Variants in CMIP observed in about 807,000 individuals in gnomAD.
CMIP encodes c-Maf inducing protein.
In CMIP, 13 loss-of-function variants were observed where a neutral mutation model predicts 97.3. That is an observed-to-expected ratio of 0.13 (90% CI 0.09 to 0.21). The LOEUF is 0.21. CMIP is among the 10% of genes least tolerant of loss of function. The probability of loss-of-function intolerance (pLI) is 1.00; values close to 1 mark genes in which losing one functional copy is unlikely to be tolerated. For synonymous variants in CMIP, 538 were observed against 436.3 expected (o/e 1.23, Z -2.91); for missense variants, 847 against 1,024.9 (o/e 0.83, Z 2.37).
chr16:81,612,784 G>C (rs2091853014), intron 2 of CMIP, among the ~76,000 whole-genome samples: 1 of 151,910 alleles, frequency 6.6e-6, no homozygotes, highest in African/African-American at 2.4e-5. Context: ...GGTCTGGCTG[G>C]GGACCTCTCC....
Position 81,616,402 on chromosome 16 carries a change from T to C in CMIP, c.427-4474T>C, listed in dbSNP as rs2091918779. Among the ~76,000 whole-genome samples the C allele has an allele frequency of 6.6e-6, 1 of 152,168 alleles. No individual in the cohort carries two copies. The highest frequency in any genetic ancestry group is 1.5e-5 in the Non-Finnish European group (1 of 68,024). Reference sequence around the variant, plus strand: ...TGTGCAGAGGCACCCCACTGCCTGCTCCGAGCCTCAGCTTCCTCATCTGTA... The same window carrying C: ...TGTGCAGAGGCACCCCACTGCCTGCCCCGAGCCTCAGCTTCCTCATCTGTA... On this transcript the variant is annotated intron_variant, in intron 2 of 20. Transcript: ENST00000537098. The surrounding 1 kb of genome is among the most constrained non-coding windows in gnomAD (Gnocchi z 4.7).
chr16:81,552,887 G>A (rs1383781777), intron 1 of CMIP, among the ~76,000 whole-genome samples: 1 of 152,156 alleles, frequency 6.6e-6, no homozygotes, highest in Admixed American at 6.5e-5. Context: ...AGAGGAATGA[G>A]GGCCCTGTCC....
At chr16:81,591,797 T>C (rs973104165) in intron 1 of CMIP, among the ~76,000 whole-genome samples, 6 of 151,118 alleles carry the variant, frequency 4.0e-5, no homozygotes, top group Admixed American at 1.3e-4. Context: ...CTGCTTGTTA[T>C]GCAGTTTACT....
chr16:81,671,874 G>C (rs888389132), intron 8 of CMIP, 92 bp from the exon 9 acceptor site: 5 of 641,954 alleles, frequency 7.8e-6, no homozygotes, highest in Admixed American at 7.7e-5. Flanking sequence ...GGGCAGCCCC[G>C]TGCCTGAGCA....
chr16:81,549,160 A>T (rs1038642389), intron 1 of CMIP, among the ~76,000 whole-genome samples: 1 of 152,252 alleles, frequency 6.6e-6, no homozygotes, highest in African/African-American at 2.4e-5. Context: ...TATTCAGTCA[A>T]CAAACCAGAC....
chr16:81,577,481 T>C (rs866036733), intron 1 of CMIP, among the ~76,000 whole-genome samples: 2 of 88,270 alleles, frequency 2.3e-5, no homozygotes, highest in African/African-American at 3.1e-5. Context: ...TACCACTATA[T>C]TATTATCACT....
At position 81,693,144 on chromosome 16, in the gene CMIP, T is replaced by C. The variant is rs374714245; in HGVS notation, c.1455-14T>C. 4.5e-5 allele frequency: 73 copies of C among 1,611,110 alleles called. No individual in the cohort carries two copies. The Middle Eastern group carries it at 1.5e-3, about 33-fold the overall frequency. ...TTCTGTTAACCGCCGTGTTTTCCCC[T>C]GTTTTTGTTGCAGAGCTCTCGCACA... On this transcript the variant is annotated splice_polypyrimidine_tract_variant and intron_variant, in intron 11 of 20. Coordinates refer to ENST00000537098, the MANE Select transcript of CMIP (RefSeq NM_198390.3).
At chr16:81,662,409 G>T (rs9934507) in intron 6 of CMIP, among the ~76,000 whole-genome samples, 2 of 151,982 alleles carry the variant, frequency 1.3e-5, no homozygotes, top group Non-Finnish European at 2.9e-5. Context: ...GTAGAAAAAG[G>T]TACCCTTTTT....
chr16:81,635,715 G>C (rs950828281), intron 3 of CMIP, among the ~76,000 whole-genome samples: 1 of 152,184 alleles, frequency 6.6e-6, no homozygotes, highest in African/African-American at 2.4e-5. Context: ...GTCTGCAAAC[G>C]ATCTGGCCCA....
intron 3 of CMIP, chr16:81,651,499 A>G (rs1442284717): frequency 3.3e-5 from 14 of 418,010 alleles, no homozygotes; most frequent in Non-Finnish European, 4.5e-5. Flanking sequence ...GGAGCATTCC[A>G]GGTTTAGTCC....
At chr16:81,463,480 G>C (rs1390767169) in intron 1 of CMIP, among the ~76,000 whole-genome samples, 2 of 152,330 alleles carry the variant, frequency 1.3e-5, no homozygotes, top group South Asian at 2.1e-4. Context: ...CGGGACGGCG[G>C]TTGTGGTTTT....
chr16:81,570,259 G>C (rs1042481466), intron 1 of CMIP, among the ~76,000 whole-genome samples: 1 of 152,166 alleles, frequency 6.6e-6, no homozygotes, highest in African/African-American at 2.4e-5. Flanking sequence ...TCCTCTGGGG[G>C]TCGTGGACCT....
intron 1 of CMIP, among the ~76,000 whole-genome samples, chr16:81,544,034 C>G (rs562535112): frequency 1.3e-5 from 2 of 152,310 alleles, no homozygotes; most frequent in South Asian, 2.1e-4. Flanking sequence ...CATTGTGAGC[C>G]TCCTTGGGGT....
chr16:81,529,817 C>T (rs1236864536), intron 1 of CMIP, among the ~76,000 whole-genome samples: 1 of 152,212 alleles, frequency 6.6e-6, no homozygotes, highest in Non-Finnish European at 1.5e-5. Flanking sequence ...TACTCCTTCT[C>T]CTCTGGAGGC....
At chr16:81,467,923 A>G (rs1907304779) in intron 1 of CMIP, among the ~76,000 whole-genome samples, 2 of 102,898 alleles carry the variant, frequency 1.9e-5, no homozygotes, top group South Asian at 5.9e-4. Flanking sequence ...GTATTGCTGT[A>G]TTTCCCAGGC....
intron 1 of CMIP, among the ~76,000 whole-genome samples, chr16:81,525,048 G>A (rs867388887): frequency 6.6e-6 from 1 of 151,876 alleles, no homozygotes. Context: ...CGCCCACCTC[G>A]GCCTCCCAAA....
intron 1 of CMIP, among the ~76,000 whole-genome samples, chr16:81,552,381 C>G (rs1183520474): frequency 6.6e-6 from 1 of 152,202 alleles, no homozygotes; most frequent in African/African-American, 2.4e-5. Context: ...GATCAATCAT[C>G]TTACAGTCCT....
At chr16:81,582,343 C>G (rs1368238505) in intron 1 of CMIP, among the ~76,000 whole-genome samples, 5 of 152,142 alleles carry the variant, frequency 3.3e-5, no homozygotes, top group East Asian at 1.9e-4. Flanking sequence ...TGTCCCCAGT[C>G]TCCTTGAGCG....
At chr16:81,474,897 G>C (rs1040703268) in intron 1 of CMIP, among the ~76,000 whole-genome samples, 4 of 152,264 alleles carry the variant, frequency 2.6e-5, no homozygotes, top group Non-Finnish European at 5.9e-5. Context: ...GCTTGTCTTT[G>C]CAGAACTGCT....
Sources: allele counts gnomAD v4.1 joint callset (sites outside exome capture counted in the v4.1 genomes callset), GRCh38; gene constraint gnomAD v4.1.1; non-coding constraint Gnocchi (gnomAD v3.1); transcripts MANE v1.5; gene names NCBI Gene and HGNC (gene_info 2026-07-23, HGNC 2026-07-21).